The following NHSL2 variants were observed in gnomAD, a reference collection of about 807,000 sequenced individuals.
The protein encoded by NHSL2 is NHS-like protein 2.
A neutral mutation model predicts 53.4 loss-of-function variants in NHSL2; 27 were observed. The ratio of observed to expected loss-of-function variants is 0.51; its 90% CI spans 0.37 to 0.70. The LOEUF (loss-of-function observed/expected upper bound fraction) is 0.70, where lower values mean the gene tolerates loss of function less well. Ranked by LOEUF, NHSL2 falls within the 30% of genes least tolerant of loss-of-function variation. The pLI, the probability that NHSL2 is intolerant of heterozygous loss-of-function variation, is 0.00. For missense variants in NHSL2, 892 were observed against 980.1 expected, an observed-to-expected ratio of 0.91 and a Z score of 1.20; for synonymous variants, 408 against 404.1, an observed-to-expected ratio of 1.01 and a Z score of -0.12.
chrX:72,023,676 TG>T (rs1207054267), intron 1 of NHSL2, among the ~76,000 whole-genome samples: 1 of 111,724 alleles, frequency 9.0e-6, no homozygotes, highest in Non-Finnish European at 1.9e-5. Flanking sequence ...CATGGCAGGA[TG>T]TGGAGTGGGG....
chrX:72,019,796 G>A (rs2042151714), intron 1 of NHSL2, among the ~76,000 whole-genome samples: 1 of 111,929 alleles, frequency 8.9e-6, no homozygotes, highest in South Asian at 3.7e-4. Flanking sequence ...GATAGGGCTG[G>A]CTCTGTAATT....
At chrX:71,986,968 GA>G (rs777302188) in intron 1 of NHSL2, among the ~76,000 whole-genome samples, 268 of 110,659 alleles carry the variant, frequency 2.4e-3, no homozygotes, top group African/African-American at 7.3e-3. Context: ...ATCTAGGCAA[GA>G]AAAAAAAATC....
intron 1 of NHSL2, among the ~76,000 whole-genome samples, chrX:72,024,259 T>C (rs1305376159): frequency 9.0e-6 from 1 of 111,490 alleles, no homozygotes; most frequent in Non-Finnish European, 1.9e-5. Context: ...AGATCTATGG[T>C]AGGGCTTGTA....
chrX:72,088,100 G>T (rs1032215497), intron 1 of NHSL2, among the ~76,000 whole-genome samples: 1 of 104,513 alleles, frequency 9.6e-6, no homozygotes, highest in African/African-American at 3.5e-5. Flanking sequence ...GCATGGTGGC[G>T]CATGCTTGTA....
intron 1 of NHSL2, among the ~76,000 whole-genome samples, chrX:71,983,848 T>C (rs1216315518): frequency 9.0e-6 from 1 of 111,633 alleles, no homozygotes; most frequent in Non-Finnish European, 1.9e-5. Context: ...CGGAGGTCAC[T>C]CTCATCGCCA....
At chrX:71,952,890 G>A (rs2147842012) in intron 1 of NHSL2, among the ~76,000 whole-genome samples, 1 of 111,886 alleles carries the variant, frequency 8.9e-6, no homozygotes, top group Non-Finnish European at 1.9e-5. Context: ...TTCTCATCAG[G>A]AAATTTGTCA....
intron 1 of NHSL2, among the ~76,000 whole-genome samples, chrX:71,959,884 C>G (rs1192726350): frequency 1.8e-5 from 2 of 111,535 alleles, no homozygotes; most frequent in East Asian, 5.6e-4. Context: ...GTTGATAGAC[C>G]TTTACATTGA....
intron 1 of NHSL2, among the ~76,000 whole-genome samples, chrX:72,034,863 A>G (rs2042233423): frequency 1.8e-5 from 2 of 111,877 alleles, no homozygotes; most frequent in South Asian, 7.4e-4. Context: ...TTTGAAAATG[A>G]ACTTTTGTTT....
intron 1 of NHSL2, among the ~76,000 whole-genome samples, chrX:71,996,987 C>T (rs760494117): frequency 1.2e-4 from 13 of 112,518 alleles, no homozygotes; most frequent in African/African-American, 4.2e-4. Context: ...GCAATGGGGG[C>T]GGTGTGCGAG....
At chrX:72,011,993 C>T (rs1183031575) in intron 1 of NHSL2, among the ~76,000 whole-genome samples, 1 of 111,734 alleles carries the variant, frequency 8.9e-6, no homozygotes, top group Non-Finnish European at 1.9e-5. Context: ...CGAGTTTTGA[C>T]AGTTCTTTAT....
intron 1 of NHSL2, among the ~76,000 whole-genome samples, chrX:72,117,509 T>C (rs2042148709): frequency 9.1e-6 from 1 of 109,415 alleles, no homozygotes. Context: ...TATCCAGAGT[T>C]GCACAGCCAT....
At chrX:71,967,563 G>A (rs1329404255) in intron 1 of NHSL2, among the ~76,000 whole-genome samples, 1 of 111,143 alleles carries the variant, frequency 9.0e-6, no homozygotes, top group Non-Finnish European at 1.9e-5. Context: ...GAAATATATT[G>A]TTTAATCTCC....
intron 1 of NHSL2, among the ~76,000 whole-genome samples, chrX:71,942,194 C>G (rs2041769218): frequency 8.9e-6 from 1 of 112,322 alleles, no homozygotes; most frequent in African/African-American, 3.2e-5. Flanking sequence ...TGTGACCAGA[C>G]TGCAATGTGA....
At chrX:71,989,348 CAAA>C (rs10625546) in intron 1 of NHSL2, among the ~76,000 whole-genome samples, 2 of 54,726 alleles carry the variant, frequency 3.7e-5, no homozygotes, top group African/African-American at 1.6e-4. Context: ...GACTCCGTCT[CAAA>C]AAAAAAAAAA....
At chrX:71,978,169 T>G (rs901600694) in intron 1 of NHSL2, among the ~76,000 whole-genome samples, 5 of 112,891 alleles carry the variant, frequency 4.4e-5, no homozygotes, top group Admixed American at 1.9e-4. Flanking sequence ...AAAGTAGCTG[T>G]TCTCATTACT....
chrX:72,126,573 G>GA (rs35529228), intron 1 of NHSL2, among the ~76,000 whole-genome samples: 61,016 of 102,445 alleles, frequency 0.6, 16,182 homozygotes, highest in Non-Finnish European at 0.79. Context: ...ACTTCCCCTG[G>GA]AAAAAAAAAA....
chrX:72,091,927 G>T (rs2041903527), intron 1 of NHSL2, among the ~76,000 whole-genome samples: 1 of 111,488 alleles, frequency 9.0e-6, no homozygotes, highest in South Asian at 3.8e-4. Context: ...CAGTTTGCTG[G>T]CAGAGGGGGG....
intron 1 of NHSL2, among the ~76,000 whole-genome samples, chrX:72,100,324 C>T (rs2041981095): frequency 8.9e-6 from 1 of 112,368 alleles, no homozygotes; most frequent in Admixed American, 9.4e-5. Flanking sequence ...AGGCTACAAA[C>T]CCATACAGCA....
intron 1 of NHSL2, among the ~76,000 whole-genome samples, chrX:71,949,096 A>G (rs1489889753): frequency 1.8e-5 from 2 of 110,820 alleles, no homozygotes; most frequent in Non-Finnish European, 3.8e-5. Context: ...TCAGTTTTTT[A>G]AATTCTAAAA....
Sources: gnomAD v4.1 joint callset for allele counts (sites outside exome capture counted in the v4.1 genomes callset) on GRCh38, gnomAD v4.1.1 for gene constraint, MANE v1.5 for transcripts, NCBI Gene and HGNC (gene_info 2026-07-23, HGNC 2026-07-21) for gene names.